IMMP2L: variants seen among roughly 807,000 people sequenced by gnomAD.
IMMP2L encodes mitochondrial inner membrane protease subunit 2.
IMMP2L carries 18 observed loss-of-function variants against 19.3 expected under a neutral mutation model. That is an observed-to-expected ratio of 0.93 (90% confidence interval 0.64 to 1.38). The LOEUF (loss-of-function observed/expected upper bound fraction) is 1.38. IMMP2L is among the 40% of genes most tolerant of loss of function. The probability of loss-of-function intolerance (pLI) is 0.00; values close to 1 mark genes in which losing one functional copy is unlikely to be tolerated. For synonymous variants in IMMP2L, 76 were observed against 73.0 expected (o/e 1.04, Z -0.21); for missense variants, 233 against 218.2 (o/e 1.07, Z -0.43).
chr7:110,979,235 G>T (rs1310026418), intron 3 of IMMP2L, among the ~76,000 whole-genome samples: 2 of 152,052 alleles, frequency 1.3e-5, no homozygotes, highest in Non-Finnish European at 2.9e-5. Flanking sequence ...GTACTATGTT[G>T]TCTGGCTATC....
intron 5 of IMMP2L, among the ~76,000 whole-genome samples, chr7:110,748,630 C>A (rs959318654): frequency 6.6e-6 from 1 of 152,036 alleles, no homozygotes; most frequent in Non-Finnish European, 1.5e-5. Flanking sequence ...ACAAACCTGA[C>A]AAAAACAAGC....
intron 3 of IMMP2L, among the ~76,000 whole-genome samples, chr7:111,001,800 T>G (rs1823727846): frequency 6.6e-6 from 1 of 152,150 alleles, no homozygotes; most frequent in Non-Finnish European, 1.5e-5. Context: ...AAATATTTCA[T>G]CTGATATCAT....
intron 5 of IMMP2L, among the ~76,000 whole-genome samples, chr7:110,789,197 G>A (rs1800292919): frequency 6.6e-6 from 1 of 151,770 alleles, no homozygotes; most frequent in Non-Finnish European, 1.5e-5. Context: ...CCCAACCAAG[G>A]CTTTAGATAT....
chr7:110,947,965 T>C (rs1817423649), intron 4 of IMMP2L, among the ~76,000 whole-genome samples: 1 of 152,122 alleles, frequency 6.6e-6, no homozygotes, highest in Admixed American at 6.6e-5. Context: ...ATACCCCAAA[T>C]ATACAGGTTT....
intron 3 of IMMP2L, among the ~76,000 whole-genome samples, chr7:111,437,495 CCAAAGTGAAAA>C (rs1837296832): frequency 6.6e-6 from 1 of 151,696 alleles, no homozygotes; most frequent in Non-Finnish European, 1.5e-5. Flanking sequence ...TTTTAAAAAC[CCAAAGTGAAAA>C]CAAATAACTG....
chr7:111,548,162 A>G (rs934846285), intron 1 of IMMP2L, among the ~76,000 whole-genome samples: 1 of 152,132 alleles, frequency 6.6e-6, no homozygotes, highest in African/African-American at 2.4e-5. Flanking sequence ...AGAGAATATT[A>G]TCTATCTTGT....
At chr7:110,843,537 G>A (rs1403874617) in intron 5 of IMMP2L, among the ~76,000 whole-genome samples, 1 of 152,040 alleles carries the variant, frequency 6.6e-6, no homozygotes, top group South Asian at 2.1e-4. Context: ...TTATATTATT[G>A]GGTAAATATG....
chr7:110,788,054 T>G (rs1345085931), intron 5 of IMMP2L, among the ~76,000 whole-genome samples: 1 of 151,950 alleles, frequency 6.6e-6, no homozygotes, highest in Non-Finnish European at 1.5e-5. Context: ...TTTACTCCAC[T>G]TTCTACTTTT....
At chr7:110,856,799 G>C (rs1329700685) in intron 5 of IMMP2L, among the ~76,000 whole-genome samples, 1 of 152,034 alleles carries the variant, frequency 6.6e-6, no homozygotes, top group Non-Finnish European at 1.5e-5. Context: ...TAACAACTCA[G>C]TAGTTTAGGC....
chr7:110,803,085 T>C lies in IMMP2L; in HGVS notation c.408+83508A>G, dbSNP rs1304408240. 3.3e-5 allele frequency among the ~76,000 whole-genome samples: 5 copies of C among 152,108 alleles called. No individual in the cohort carries two copies. Among genetic ancestry groups the C allele is most frequent in the Non-Finnish European group, 7.4e-5 (5 of 68,010 alleles). ...ATAGTGGTTTTATGGAGAATGCCTA[T>C]TGAAATAGATGAGTTTGTGTCTTAG... On this transcript the variant is annotated intron_variant, in intron 5 of 5. Coordinates refer to ENST00000405709, the MANE Select transcript of IMMP2L (RefSeq NM_032549.4). This position sits in a 1 kb window ranked among gnomAD's most constrained non-coding sequence, Gnocchi z 4.2.
intron 5 of IMMP2L, among the ~76,000 whole-genome samples, chr7:110,884,696 T>C (rs1335208794): frequency 2.0e-5 from 3 of 152,086 alleles, no homozygotes; most frequent in Non-Finnish European, 4.4e-5. Flanking sequence ...TGCTACAAAC[T>C]TTGTCACAAG....
At chr7:110,682,512 T>A (rs1435744351) in intron 5 of IMMP2L, among the ~76,000 whole-genome samples, 1 of 152,052 alleles carries the variant, frequency 6.6e-6, no homozygotes, top group East Asian at 1.9e-4. Flanking sequence ...AAAATGTAGA[T>A]TGGACACAAC....
intron 5 of IMMP2L, among the ~76,000 whole-genome samples, chr7:110,700,431 T>C (rs949606073): frequency 2.6e-5 from 4 of 152,178 alleles, no homozygotes; most frequent in Non-Finnish European, 2.9e-5. Flanking sequence ...CTTGCTTTGG[T>C]GAATCTCATT....
At chr7:111,217,035 T>A (rs1414566871) in intron 3 of IMMP2L, among the ~76,000 whole-genome samples, 1 of 151,074 alleles carries the variant, frequency 6.6e-6, no homozygotes, top group African/African-American at 2.4e-5. Flanking sequence ...GGAAAAAAAA[T>A]TGCCAGTGTA....
chr7:111,045,559 T>C (rs542311782), intron 3 of IMMP2L, among the ~76,000 whole-genome samples: 2 of 152,278 alleles, frequency 1.3e-5, no homozygotes, highest in South Asian at 4.2e-4. Context: ...ACCTTGACCA[T>C]CTCTCTAAAC....
At chr7:110,881,756 C>G (rs1809661327) in intron 5 of IMMP2L, among the ~76,000 whole-genome samples, 1 of 152,168 alleles carries the variant, frequency 6.6e-6, no homozygotes, top group Non-Finnish European at 1.5e-5. Context: ...CAAGATTATT[C>G]TGTATTGTAC....
chr7:111,016,410 T>C (rs1209098586), intron 3 of IMMP2L, among the ~76,000 whole-genome samples: 1 of 140,628 alleles, frequency 7.1e-6, no homozygotes, highest in African/African-American at 2.6e-5. Context: ...TTATATTTTA[T>C]ATAATATATA....
At chr7:110,918,455 T>TC (rs951353012) in intron 4 of IMMP2L, among the ~76,000 whole-genome samples, 39 of 149,208 alleles carry the variant, frequency 2.6e-4, no homozygotes, top group African/African-American at 8.8e-4. Flanking sequence ...TTTTTTTCTT[T>TC]TTTTTTTTTT....
chr7:111,141,776 G>C (rs980385861), intron 3 of IMMP2L, among the ~76,000 whole-genome samples: 13 of 152,162 alleles, frequency 8.5e-5, no homozygotes, highest in East Asian at 1.9e-4. Context: ...ATGTAGTCCA[G>C]GCTGGTCTCA....
Sources: allele counts gnomAD v4.1 joint callset (sites outside exome capture counted in the v4.1 genomes callset), GRCh38; gene constraint gnomAD v4.1.1; non-coding constraint Gnocchi (gnomAD v3.1); transcripts MANE v1.5; gene names NCBI Gene and HGNC (gene_info 2026-07-23, HGNC 2026-07-21).